The following CASD1 variants were observed in gnomAD, a reference collection of about 807,000 sequenced individuals.
CASD1 encodes the protein CAS1 domain sialic acid O acetyltransferase 1.
In CASD1, 41 loss-of-function variants were observed where a neutral mutation model predicts 100.0. That is an observed-to-expected ratio of 0.41 (90% CI 0.32 to 0.53). The LOEUF (loss-of-function observed/expected upper bound fraction) is 0.53, where lower values mean the gene tolerates loss of function less well. Among genes scored for constraint, CASD1 ranks in the 20% least tolerant of loss-of-function variants. The pLI, the probability that CASD1 is intolerant of heterozygous loss-of-function variation, is 0.25. For missense variants in CASD1, 774 were observed against 948.7 expected (o/e 0.82, Z 2.42); for synonymous variants, 321 against 315.6 (o/e 1.02, Z -0.18).
At chr7:94,547,010 G>A (rs1053690671) in intron 12 of CASD1, 86 bp from the exon 13 acceptor site, 10 of 752,598 alleles carry the variant, frequency 1.3e-5, no homozygotes, top group Non-Finnish European at 2.1e-5. Flanking sequence ...GAACTATTCA[G>A]CATGTACATA....
At chr7:94,626,131 T>C in the CASD1 span, 1 of 152,128 alleles carries the variant, frequency 6.6e-6, no homozygotes, top group Non-Finnish European at 1.5e-5. Flanking sequence ...TAGTGAAATA[T>C]CTGTTTCTTA....
At chr7:94,520,696 G>A (rs1292653717) in intron 3 of CASD1, among the ~76,000 whole-genome samples, 6 of 152,298 alleles carry the variant, frequency 3.9e-5, no homozygotes, top group South Asian at 4.1e-4. Flanking sequence ...GGTGACTCAC[G>A]CCTGTAATCC....
chr7:94,584,721 T>C, the CASD1 span, among the ~76,000 whole-genome samples: 2 of 152,202 alleles, frequency 1.3e-5, no homozygotes, highest in South Asian at 2.1e-4. Context: ...GTATCCAAGA[T>C]GCATGAGAGC....
At chr7:94,589,069 A>G in the CASD1 span, 2 of 350,076 alleles carry the variant, frequency 5.7e-6, no homozygotes, top group Non-Finnish European at 1.1e-5. Flanking sequence ...AGGACATGGT[A>G]GGTAAAGATG....
rs750766469 is a variant in CASD1 at position 94,533,232 on chromosome 7, G to C, written c.487G>C (p.Val163Leu). ...TTCCATTGCAAAGCCACATGTGATT[G>C]TAGCAGGAGCTGCCACAGTAAGTTA... ...EDSIAKPHVI[V>L]AGAATWSIKI... Residue 163 changes from valine (V) to leucine (L), a missense_variant, in exon 6 of 18, where the codon GTA becomes CTA. Physicochemically the swap from Val to Leu is conservative, Grantham distance 32. This residue lies in a region of CASD1 where 453 missense variants were observed against 532.6 expected (regional missense o/e 0.85). Transcript: ENST00000297273. 101 of 1,610,144 alleles carry C rather than the reference G, an allele frequency of 6.3e-5. 5 individuals carry two copies. The South Asian group carries it at 1.1e-3, about 17-fold the overall frequency.
downstream of CASD1, among the ~76,000 whole-genome samples, chr7:94,559,724 C>T (rs1337453859): frequency 1.3e-5 from 2 of 152,060 alleles, no homozygotes; most frequent in African/African-American, 2.4e-5. Context: ...CGGGGTTTCA[C>T]CGTGTTGGCC....
At chr7:94,540,783 A>G (rs1342438993) in intron 10 of CASD1, among the ~76,000 whole-genome samples, 1 of 152,194 alleles carries the variant, frequency 6.6e-6, no homozygotes, top group Non-Finnish European at 1.5e-5. Context: ...AATATCTCTG[A>G]TGTATGAATA....
the CASD1 span, among the ~76,000 whole-genome samples, chr7:94,602,453 A>G: frequency 1.3e-5 from 2 of 152,110 alleles, no homozygotes; most frequent in South Asian, 4.1e-4. Context: ...TTTATGTGTC[A>G]ATAACTTTGT....
At chr7:94,598,639 T>C in the CASD1 span, 1 of 753,334 alleles carries the variant, frequency 1.3e-6, no homozygotes, top group African/African-American at 1.7e-5. Context: ...AGGGGTGAGA[T>C]TTACACAATG....
intron 3 of CASD1, among the ~76,000 whole-genome samples, chr7:94,518,611 C>T (rs756729093): frequency 3.9e-5 from 6 of 152,042 alleles, no homozygotes; most frequent in Non-Finnish European, 5.9e-5. Context: ...AGAAAGAAGA[C>T]AAAGAGAAAA....
Position 94,537,623 on chromosome 7 carries a change from T to C in CASD1, c.995T>C (p.Ile332Thr). The C allele has an allele frequency of 6.2e-7, 1 of 1,613,944 alleles. No individual in the cohort carries two copies. Among genetic ancestry groups the C allele is most frequent in the Non-Finnish European group, 8.5e-7 (1 of 1,179,906 alleles). The part of the protein sequence containing the change: ...LSIIGYLIFY[I>T]IHRNAHRKNK... ...ATTATCGGATATTTAATTTTTTACATAATTCATCGTAATGCTCATCGGAAG... is the reference window on the plus strand; with the variant it reads ...ATTATCGGATATTTAATTTTTTACACAATTCATCGTAATGCTCATCGGAAG... Residue 332 changes from isoleucine (I) to threonine (T), a missense_variant, in exon 9 of 18, where the codon ATA (isoleucine) becomes ACA (threonine). Ile to Thr is a moderately conservative substitution (Grantham distance 89). Transcript: ENST00000297273.
the CASD1 span, among the ~76,000 whole-genome samples, chr7:94,575,513 T>C: frequency 2.6e-5 from 4 of 152,286 alleles, no homozygotes; most frequent in South Asian, 8.3e-4. Context: ...TGAGAATGCA[T>C]ACTCTGTTTT....
At chr7:94,526,380 G>C (rs149056092) in intron 3 of CASD1, among the ~76,000 whole-genome samples, 2 of 152,314 alleles carry the variant, frequency 1.3e-5, no homozygotes, top group Non-Finnish European at 2.9e-5. Flanking sequence ...ATTCAGCCTG[G>C]AAGTGGCGTA....
chr7:94,619,570 G>A, the CASD1 span: 1 of 152,108 alleles, frequency 6.6e-6, no homozygotes, highest in Non-Finnish European at 1.5e-5. Flanking sequence ...AATATAATTT[G>A]TTACTCAAAT....
the CASD1 span, among the ~76,000 whole-genome samples, chr7:94,616,087 C>T: frequency 7.7e-4 from 117 of 152,170 alleles, no homozygotes; most frequent in Non-Finnish European, 1.3e-3. Context: ...TGAAAGCTGT[C>T]AGTGAGTTCT....
chr7:94,624,843 A>G, the CASD1 span: 2 of 151,898 alleles, frequency 1.3e-5, no homozygotes, highest in Non-Finnish European at 2.9e-5. Context: ...AAATTTCATT[A>G]TTATAAGTTT....
chr7:94,588,250 G>A, the CASD1 span: 3 of 1,039,920 alleles, frequency 2.9e-6, no homozygotes, highest in Non-Finnish European at 3.5e-6. Context: ...TTAAAACCAG[G>A]CCAGCCATTT....
At chr7:94,623,193 T>C in the CASD1 span, 2 of 589,518 alleles carry the variant, frequency 3.4e-6, no homozygotes, top group Non-Finnish European at 6.0e-6. Flanking sequence ...TTTTCTTTTC[T>C]ATATCTTATT....
chr7:94,575,995 C>T, the CASD1 span, among the ~76,000 whole-genome samples: 2 of 152,068 alleles, frequency 1.3e-5, no homozygotes, highest in Non-Finnish European at 2.9e-5. Flanking sequence ...GGTCATTGAG[C>T]TCTTGAATGC....
Sources: gnomAD v4.1 joint callset for allele counts (sites outside exome capture counted in the v4.1 genomes callset) on GRCh38, gnomAD v4.1.1 for gene constraint, gnomAD v4.1.1 regional missense constraint, MANE v1.5 for transcripts, NCBI Gene and HGNC (gene_info 2026-07-23, HGNC 2026-07-21) for gene names.